XRCC4: variants seen among roughly 807,000 people sequenced by gnomAD.
XRCC4 encodes DNA repair protein XRCC4.
XRCC4 carries 28 observed loss-of-function variants against 39.1 expected under a neutral mutation model. That is an observed-to-expected ratio of 0.72 (90% CI 0.53 to 0.98). The LOEUF is 0.98. XRCC4 is among the 50% of genes least tolerant of loss of function. The pLI, the probability that XRCC4 is intolerant of heterozygous loss-of-function variation, is 0.00. For missense variants in XRCC4, 350 were observed against 376.4 expected (o/e 0.93, Z 0.58); for synonymous variants, 123 against 126.4 (o/e 0.97, Z 0.18).
At chr5:83,244,608 C>T (rs992636101) in intron 6 of XRCC4, among the ~76,000 whole-genome samples, 13 of 152,084 alleles carry the variant, frequency 8.5e-5, no homozygotes, top group Non-Finnish European at 1.6e-4. Context: ...GTAGTTAATG[C>T]TTTCCCACAG....
At chr5:83,187,078 G>A (rs1750482842) in intron 3 of XRCC4, among the ~76,000 whole-genome samples, 1 of 106,064 alleles carries the variant, frequency 9.4e-6, no homozygotes, top group African/African-American at 4.1e-5. Flanking sequence ...CGAGTAGCCG[G>A]GACCACAGGC....
At chr5:83,141,212 T>C (rs1343547930) in intron 3 of XRCC4, among the ~76,000 whole-genome samples, 1 of 152,194 alleles carries the variant, frequency 6.6e-6, no homozygotes, top group Non-Finnish European at 1.5e-5. Flanking sequence ...AACCCTCCAA[T>C]GTATGGGTAT....
intron 6 of XRCC4, among the ~76,000 whole-genome samples, chr5:83,252,343 A>G (rs1208986464): frequency 6.6e-6 from 1 of 152,214 alleles, no homozygotes. Flanking sequence ...TGTGAAATGA[A>G]TAAATAAATA....
chr5:83,111,054 G>A lies in XRCC4; in HGVS notation c.166G>A (p.Ala56Thr), dbSNP rs28383151. 1,264 of 1,608,256 alleles carry A rather than the reference G, an allele frequency of 7.9e-4. 3 individuals carry two copies. Among genetic ancestry groups the A allele is most frequent in the Non-Finnish European group, 9.8e-4 (1,150 of 1,178,104 alleles). Residue 56 changes from alanine (A) to threonine (T), a missense_variant, in exon 3 of 8, where the codon GCT (alanine) becomes ACT (threonine). Coordinates refer to ENST00000396027, the MANE Select transcript of XRCC4 (RefSeq NM_003401.5). ...TVSESEISQEADDMAMEKGKY... is the reference protein window; with the variant it reads ...TVSESEISQETDDMAMEKGKY... Reference sequence around the variant, plus strand: ...TTCTGAATCAGAGATTTCCCAAGAAGCTGATGACATGGCAATGGAAAAAGG... The same window carrying A: ...TTCTGAATCAGAGATTTCCCAAGAAACTGATGACATGGCAATGGAAAAAGG...
At chr5:83,084,243 G>A (rs1365436864) in intron 1 of XRCC4, among the ~76,000 whole-genome samples, 1 of 152,168 alleles carries the variant, frequency 6.6e-6, no homozygotes, top group Non-Finnish European at 1.5e-5. Flanking sequence ...TAATTGAAAG[G>A]TACTGTATCC....
rs1750260439 is a variant in XRCC4, at chr5:83,182,771, G to T, written c.316-12999G>T. 4.6e-5 allele frequency among the ~76,000 whole-genome samples: 7 copies of T among 152,138 alleles called. No homozygotes were observed. In the South Asian group the frequency reaches 1.5e-3, roughly 32 times the overall value. On this transcript the variant is annotated intron_variant, in intron 3 of 7. Coordinates refer to ENST00000396027, the MANE Select transcript of XRCC4 (RefSeq NM_003401.5). The stretch of plus-strand genomic sequence containing the variant: ...CTCTTATAAAAGAGGCCTGAGCGAG[G>T]CTATTGGCCCTTTGTTTCTCCTGTC...
chr5:83,293,904 A>G (rs1755009014), intron 7 of XRCC4, among the ~76,000 whole-genome samples: 2 of 152,202 alleles, frequency 1.3e-5, no homozygotes, highest in Admixed American at 6.6e-5. Flanking sequence ...AACTATAAAA[A>G]TAACTGATGT....
intron 6 of XRCC4, among the ~76,000 whole-genome samples, chr5:83,256,273 T>C (rs752276742): frequency 3.3e-5 from 5 of 152,300 alleles, no homozygotes; most frequent in East Asian, 3.9e-4. Context: ...TTTAGTAACA[T>C]TGTATTTTAA....
At chr5:83,350,833 C>A (rs1008924282) in intron 7 of XRCC4, among the ~76,000 whole-genome samples, 2 of 152,040 alleles carry the variant, frequency 1.3e-5, no homozygotes, top group African/African-American at 4.8e-5. Flanking sequence ...GCCAAAAATT[C>A]TTTGCCAAGG....
intron 7 of XRCC4, chr5:83,311,029 C>A: frequency 3.7e-6 from 1 of 272,142 alleles, no homozygotes; most frequent in Non-Finnish European, 7.5e-6. Context: ...CTTGTGGCCT[C>A]CAGAATTTTA....
rs756002786 is a variant in XRCC4 at position 83,203,542 on chromosome 5, A to C, written c.483-10A>C. 6.3e-7 allele frequency: 1 copy of C among 1,575,126 alleles called. No homozygotes were observed. The highest frequency in any genetic ancestry group is 1.4e-5 in the African/African-American group (1 of 72,590). ...GCATGACTAATTTGTTTACTTATTT[A>C]CTTTTTTAGATTTGAAAAATGTGTG... is the stretch of plus-strand genomic sequence containing the variant. On this transcript the variant is annotated splice_polypyrimidine_tract_variant and intron_variant, in intron 4 of 7. Transcript: ENST00000396027.
chr5:83,185,976 G>A (rs1750420936), intron 3 of XRCC4, among the ~76,000 whole-genome samples: 1 of 152,100 alleles, frequency 6.6e-6, no homozygotes, highest in South Asian at 2.1e-4. Context: ...AATACTTGCA[G>A]CATGTATGAC....
At chr5:83,094,260 C>A (rs558830871) in intron 1 of XRCC4, among the ~76,000 whole-genome samples, 2 of 151,252 alleles carry the variant, frequency 1.3e-5, no homozygotes, top group African/African-American at 4.9e-5. Flanking sequence ...CTTGATGGTG[C>A]TCCATAATCC....
intron 7 of XRCC4, among the ~76,000 whole-genome samples, chr5:83,332,430 A>G (rs1338902590): frequency 6.6e-6 from 1 of 152,184 alleles, no homozygotes; most frequent in Non-Finnish European, 1.5e-5. Flanking sequence ...TGTAAGCTCA[A>G]AGAAGGCAGT....
At chr5:83,302,627 T>G (rs1278598283) in intron 7 of XRCC4, among the ~76,000 whole-genome samples, 2 of 152,204 alleles carry the variant, frequency 1.3e-5, no homozygotes, top group African/African-American at 4.8e-5. Flanking sequence ...CAGGAGCTGT[T>G]CTTATTCGGC....
chr5:83,137,673 T>C (rs1053824282), intron 3 of XRCC4, among the ~76,000 whole-genome samples: 2 of 152,142 alleles, frequency 1.3e-5, no homozygotes, highest in Non-Finnish European at 2.9e-5. Flanking sequence ...TTGTCCTCAA[T>C]TGTTTTGTTT....
intron 4 of XRCC4, 92 bp from the exon 5 acceptor site, chr5:83,203,459 AT>A: frequency 2.7e-6 from 3 of 1,116,502 alleles, no homozygotes; most frequent in Non-Finnish European, 3.7e-6. Context: ...CTTTAATTGT[AT>A]TTTCCTTGAA....
chr5:83,143,235 T>C (rs1345416387), intron 3 of XRCC4, among the ~76,000 whole-genome samples: 1 of 152,172 alleles, frequency 6.6e-6, no homozygotes, highest in Non-Finnish European at 1.5e-5. Context: ...TGTATTTTAA[T>C]CTACCTTTAT....
At chr5:83,365,267 G>A in the XRCC4 span, among the ~76,000 whole-genome samples, 3 of 152,098 alleles carry the variant, frequency 2.0e-5, no homozygotes, top group Non-Finnish European at 4.4e-5. Context: ...GGACTCTCTG[G>A]GTAACTTCTG....
Sources: allele counts gnomAD v4.1 joint callset (sites outside exome capture counted in the v4.1 genomes callset), GRCh38; gene constraint gnomAD v4.1.1; transcripts MANE v1.5; gene names NCBI Gene and HGNC (gene_info 2026-07-23, HGNC 2026-07-21).